KIAA0232: variants seen among roughly 807,000 people sequenced by gnomAD.
The protein encoded by KIAA0232 is uncharacterized protein KIAA0232.
In KIAA0232, 27 loss-of-function variants were observed where a neutral mutation model predicts 122.0. The ratio of observed to expected loss-of-function variants is 0.22; its 90% CI spans 0.16 to 0.31. KIAA0232 has a LOEUF of 0.31. KIAA0232 is among the 10% of genes least tolerant of loss of function. KIAA0232 has a pLI of 1.00. For missense variants in KIAA0232, 1,551 were observed against 1,634.2 expected, an observed-to-expected ratio of 0.95 and a Z score of 0.88; for synonymous variants, 613 against 587.6, an observed-to-expected ratio of 1.04 and a Z score of -0.63.
Position 6,861,395 on chromosome 4 carries a change from A to G in KIAA0232, c.1013A>G (p.His338Arg). 1 of 1,614,206 alleles carries G rather than the reference A, an allele frequency of 6.2e-7. No individual in the cohort carries two copies. Among genetic ancestry groups the G allele is most frequent in the Non-Finnish European group, 8.5e-7 (1 of 1,180,030 alleles). The stretch of plus-strand genomic sequence containing the variant: ...GGGCAAAGCAGGCTTTCTTTGAAGC[A>G]CGGTGAAAAGGCTGAAAGGAACATT... ...RNGQSRLSLKHGEKAERNIHT... is the reference protein window; with the variant it reads ...RNGQSRLSLKRGEKAERNIHT... Residue 338 changes from histidine to arginine, a missense_variant, in exon 7 of 10, where the codon CAC (histidine) becomes CGC (arginine). Physicochemically the swap from His to Arg is conservative, Grantham distance 29 (BLOSUM62 0). Around this residue, in one of 5 missense-constraint regions of KIAA0232, gnomAD observed 377 missense variants for 381.7 expected, o/e 0.99. Coordinates refer to ENST00000307659, the MANE Select transcript of KIAA0232 (RefSeq NM_014743.3).
At chr4:6,809,639 A>G (rs1190232629) in intron 2 of KIAA0232, among the ~76,000 whole-genome samples, 1 of 54,860 alleles carries the variant, frequency 1.8e-5, no homozygotes, top group Non-Finnish European at 5.1e-5. Flanking sequence ...AGGTCAAATT[A>G]TATCCCTGTT....
intron 4 of KIAA0232, among the ~76,000 whole-genome samples, chr4:6,856,497 T>G (rs1411739451): frequency 1.3e-5 from 2 of 152,166 alleles, no homozygotes; most frequent in Non-Finnish European, 2.9e-5. Context: ...TGACTCTTAT[T>G]TTTACCCTCC....
chr4:6,783,094 C>T (rs1341904595), intron 1 of KIAA0232, among the ~76,000 whole-genome samples: 2 of 149,438 alleles, frequency 1.3e-5, no homozygotes, highest in African/African-American at 2.5e-5. Context: ...GGGCCGCCGC[C>T]GGGGGCTCCG....
Position 6,824,273 on chromosome 4 carries a change from A to G in KIAA0232, c.-181A>G, listed in dbSNP as rs572009839. On this transcript the variant is annotated 5_prime_UTR_variant, in exon 3 of 10. Transcript: ENST00000307659. ...CATGTTGCTATCAGGATGTTGATTC[A>G]TTAGTCATGCCTGAAGAGGGAAAGT... The G allele has an allele frequency of 1.1e-5, 7 of 611,818 alleles. No individual in the cohort carries two copies. The highest frequency in any genetic ancestry group is 1.1e-4 in the Admixed American group (4 of 34,966). 37.9% of individuals were successfully genotyped at this position (611,818 alleles called of 1,614,324 possible). A position where few individuals can be genotyped will look rare whatever the true frequency, so the allele number is the denominator to read the frequency against.
chr4:6,799,924 A>ACATCATGAT (rs1717301152), intron 1 of KIAA0232, among the ~76,000 whole-genome samples: 1 of 151,120 alleles, frequency 6.6e-6, no homozygotes, highest in African/African-American at 2.4e-5. Context: ...CCATCTCCTG[A>ACATCATGAT]CATCATGATC....
At chr4:6,806,697 G>A (rs980176972) in intron 2 of KIAA0232, among the ~76,000 whole-genome samples, 2 of 122,262 alleles carry the variant, frequency 1.6e-5, no homozygotes, top group African/African-American at 6.4e-5. Flanking sequence ...TCATGCCACT[G>A]CACTCCATCC....
chr4:6,824,528 G>A lies in KIAA0232; in HGVS notation c.75G>A (p.Val25=), dbSNP rs1228394763. The A allele has an allele frequency of 2.5e-6, 4 of 1,614,066 alleles. No individual in the cohort carries two copies. Among genetic ancestry groups the A allele is most frequent in the Non-Finnish European group, 1.7e-6 (2 of 1,180,040 alleles). ...CCTCAAGTTCTTATCCAGGCCCTGTGTCTGTTTCTGAAATGTCTCTGCTTC... is the reference window on the plus strand; with the variant it reads ...CCTCAAGTTCTTATCCAGGCCCTGTATCTGTTTCTGAAATGTCTCTGCTTC... ...ESSSSSYPGP[V]SVSEMSLLHA... The change falls in exon 3 of 10, where the codon GTG becomes GTA. Residue 25 remains valine (V), a synonymous_variant. Transcript: ENST00000307659.
rs753031935 is a variant in KIAA0232, at chr4:6,855,882, A to G, written c.370-1282A>G. The G allele has an allele frequency of 1.0e-6, 1 of 984,914 alleles. No individual in the cohort carries two copies. The highest frequency in any genetic ancestry group is 1.7e-5 in the African/African-American group (1 of 57,224). 61.0% of individuals were successfully genotyped at this position (984,914 alleles called of 1,614,324 possible). A position where few individuals can be genotyped will look rare whatever the true frequency, so the allele number is the denominator to read the frequency against. On this transcript the variant is annotated intron_variant, in intron 4 of 9. Coordinates refer to ENST00000307659, the MANE Select transcript of KIAA0232 (RefSeq NM_014743.3). This position sits in a 1 kb window ranked among gnomAD's most constrained non-coding sequence, Gnocchi z 4.3. Reference sequence around the variant, plus strand: ...ATGGAATATAATTGCCGTCCTTGTCACACCTTGAGCATTATGGTAAGCAGG... The same window carrying G: ...ATGGAATATAATTGCCGTCCTTGTCGCACCTTGAGCATTATGGTAAGCAGG...
At chr4:6,792,682 T>G (rs1467593684) in intron 1 of KIAA0232, among the ~76,000 whole-genome samples, 2 of 119,992 alleles carry the variant, frequency 1.7e-5, no homozygotes, top group Admixed American at 9.0e-5. Flanking sequence ...TAGTCTTAGG[T>G]TTTTTTTTTT....
intron 5 of KIAA0232, 36 bp downstream of exon 5, chr4:6,857,266 A>G: frequency 6.5e-7 from 1 of 1,549,218 alleles, no homozygotes; most frequent in Non-Finnish European, 8.8e-7. Context: ...ACATGCCAGG[A>G]TTACATCCCT....
chr4:6,841,968 A>C, intron 3 of KIAA0232, 99 bp from the exon 4 acceptor site: 1 of 1,364,730 alleles, frequency 7.3e-7, no homozygotes, highest in South Asian at 1.3e-5. Flanking sequence ...TCGTATGGAA[A>C]TGCAAGGGGC....
chr4:6,806,531 G>T (rs776202828), intron 2 of KIAA0232, among the ~76,000 whole-genome samples: 1 of 151,848 alleles, frequency 6.6e-6, no homozygotes, highest in Admixed American at 6.6e-5. Flanking sequence ...TCAGGAAATC[G>T]AGACCGTCCT....
At chr4:6,823,726 A>G (rs1178424975) in intron 2 of KIAA0232, among the ~76,000 whole-genome samples, 2 of 80,398 alleles carry the variant, frequency 2.5e-5, no homozygotes, top group African/African-American at 4.1e-5. Flanking sequence ...TGAGATAGCA[A>G]AAAAAAAAAA....
chr4:6,831,824 A>G (rs1718998412), intron 3 of KIAA0232, among the ~76,000 whole-genome samples: 1 of 152,142 alleles, frequency 6.6e-6, no homozygotes. Flanking sequence ...CTCTGGCCCT[A>G]AGAGTTCACT....
chr4:6,873,604 C>T (rs923885036), intron 8 of KIAA0232, among the ~76,000 whole-genome samples: 7 of 152,118 alleles, frequency 4.6e-5, no homozygotes, highest in Non-Finnish European at 7.3e-5. Context: ...CACCCTTAGT[C>T]CAGTTTTCTG....
In KIAA0232 at chr4:6,871,583, T is replaced by C; in HGVS notation, c.3811T>C (p.Leu1271=). The C allele has an allele frequency of 1.9e-6, 3 of 1,596,276 alleles. No individual in the cohort carries two copies. The highest frequency in any genetic ancestry group is 1.7e-6 in the Non-Finnish European group (2 of 1,164,448). ...SSGQLEEFPV[L]NTDIQGMNRS... Reference sequence around the variant, plus strand: ...GGTTTAATCTAAACAGTTCCCTGTATTGAACACTGATATACAAGGAATGAA... The same window carrying C: ...GGTTTAATCTAAACAGTTCCCTGTACTGAACACTGATATACAAGGAATGAA... Residue 1271 remains leucine (L), a synonymous_variant, in exon 8 of 10, where the codon TTG becomes CTG. Coordinates refer to ENST00000307659, the MANE Select transcript of KIAA0232 (RefSeq NM_014743.3).
chr4:6,850,305 T>C (rs1056581593), intron 4 of KIAA0232, among the ~76,000 whole-genome samples: 1 of 152,150 alleles, frequency 6.6e-6, no homozygotes, highest in African/African-American at 2.4e-5. Context: ...CATGTACGCT[T>C]TCCTAATGAC....
chr4:6,863,879 G>C lies in KIAA0232; in HGVS notation c.3497G>C (p.Gly1166Ala). ...GCAGAGAAAGAAGGCCATTACTATGGAAAATCAGAGCTTGAGTCTGGAAAA... is the reference window on the plus strand; with the variant it reads ...GCAGAGAAAGAAGGCCATTACTATGCAAAATCAGAGCTTGAGTCTGGAAAA... ...EDAEKEGHYYGKSELESGKFL... is the reference protein window; with the variant it reads ...EDAEKEGHYYAKSELESGKFL... Residue 1166 changes from glycine to alanine, a missense_variant, in exon 7 of 10, where the codon GGA becomes GCA. Gly to Ala is a moderately conservative substitution (Grantham distance 60). Around this residue, in one of 5 missense-constraint regions of KIAA0232, gnomAD observed 1,108 missense variants for 1,154.8 expected, o/e 0.96. Transcript: ENST00000307659. 1 of 1,614,132 alleles carries C rather than the reference G, an allele frequency of 6.2e-7. No homozygotes were observed. The highest frequency in any genetic ancestry group is 8.5e-7 in the Non-Finnish European group (1 of 1,180,026).
At chr4:6,880,134 G>C (rs6818516) in intron 9 of KIAA0232, among the ~76,000 whole-genome samples, 622 of 5,510 alleles carry the variant, frequency 0.11, 87 homozygotes, top group East Asian at 0.23. Context: ...CTGTAGTGTC[G>C]CCTCACCATC....
Sources: allele counts gnomAD v4.1 joint callset (sites outside exome capture counted in the v4.1 genomes callset), GRCh38; gene constraint gnomAD v4.1.1; regional missense constraint gnomAD v4.1.1; non-coding constraint Gnocchi (gnomAD v3.1); transcripts MANE v1.5; gene names NCBI Gene and HGNC (gene_info 2026-07-23, HGNC 2026-07-21).